Variants in KIF3B observed in about 807,000 individuals in gnomAD.
The protein encoded by KIF3B is kinesin family member 3B.
A neutral mutation model predicts 74.3 loss-of-function variants in KIF3B; 38 were observed. The observed-to-expected ratio is 0.51, with a 90% confidence interval of 0.39 to 0.67. KIF3B has a LOEUF of 0.67. Ranked by LOEUF, KIF3B falls within the 30% of genes least tolerant of loss-of-function variation. The pLI is 0.00. For synonymous variants in KIF3B, 326 were observed against 342.5 expected (o/e 0.95, Z 0.53); for missense variants, 649 against 932.0 (o/e 0.70, Z 3.95).
intron 1 of KIF3B, among the ~76,000 whole-genome samples, chr20:32,291,896 T>A (rs112298354): frequency 0.031 from 4,662 of 151,642 alleles, 262 homozygotes; most frequent in African/African-American, 0.11. Context: ...GGATTACAGG[T>A]GTGAGCCACC....
At chr20:32,312,140 G>C (rs1333260261) in intron 2 of KIF3B, among the ~76,000 whole-genome samples, 1 of 146,244 alleles carries the variant, frequency 6.8e-6, no homozygotes, top group Non-Finnish European at 1.5e-5. Context: ...TTTGAGACAG[G>C]ATCTTGCTCT....
chr20:32,322,473 T>G (rs2047864892), intron 5 of KIF3B, among the ~76,000 whole-genome samples: 1 of 148,520 alleles, frequency 6.7e-6, no homozygotes, highest in Non-Finnish European at 1.5e-5. Flanking sequence ...CCAGGCGTGG[T>G]GGCGGGTGTC....
chr20:32,306,956 G>A (rs2047774780), intron 1 of KIF3B, among the ~76,000 whole-genome samples: 1 of 152,026 alleles, frequency 6.6e-6, no homozygotes, highest in East Asian at 1.9e-4. Flanking sequence ...AGCTGCTACT[G>A]TTACTACCTT....
chr20:32,306,805 A>G (rs1340841690), intron 1 of KIF3B, among the ~76,000 whole-genome samples: 1 of 151,840 alleles, frequency 6.6e-6, no homozygotes, highest in Non-Finnish European at 1.5e-5. Context: ...ATGTTGGCCC[A>G]GATGGTCTTG....
At chr20:32,329,966 A>C (rs1243587127) in intron 7 of KIF3B, among the ~76,000 whole-genome samples, 175 bp from the exon 8 acceptor site, 1 of 152,190 alleles carries the variant, frequency 6.6e-6, no homozygotes, top group Non-Finnish European at 1.5e-5. Flanking sequence ...AAAGCAAAAA[A>C]TTAGGTGGAG....
chr20:32,294,507 A>T (rs899178206), intron 1 of KIF3B, among the ~76,000 whole-genome samples: 1 of 152,328 alleles, frequency 6.6e-6, no homozygotes, highest in Admixed American at 6.5e-5. Flanking sequence ...AAGCAAAAAA[A>T]TAGCCTGCAG....
At chr20:32,312,093 G>A (rs539475553) in intron 2 of KIF3B, among the ~76,000 whole-genome samples, 12 of 150,030 alleles carry the variant, frequency 8.0e-5, no homozygotes, top group East Asian at 2.0e-4. Context: ...GTGAGCCACC[G>A]TGTCCGGCTT....
rs1362303103 is a variant in KIF3B at position 32,326,816 on chromosome 20, AATT to A, written c.1797_1799del (p.Ile599del). 1 of 1,591,972 alleles carries A rather than the reference AATT, an allele frequency of 6.3e-7. No homozygotes were observed. The highest frequency in any genetic ancestry group is 8.6e-7 in the Non-Finnish European group (1 of 1,162,352). ...TTATCCCTCTGGAAGAAAAAAGTAA[AATT>A]ATGAATAGAGCCTTCTTTGATGAAG... is the stretch of plus-strand genomic sequence containing the variant. On this transcript the variant is annotated inframe_deletion, in exon 6 of 9. Transcript: ENST00000375712.
chr20:32,285,279 G>A (rs1000362712), intron 1 of KIF3B, among the ~76,000 whole-genome samples: 3 of 152,184 alleles, frequency 2.0e-5, no homozygotes, highest in Non-Finnish European at 4.4e-5. Flanking sequence ...AACAGCTGAA[G>A]CAGGTAGGAA....
In KIF3B at chr20:32,330,254, T is replaced by G; in HGVS notation, c.2082T>G (p.Asp694Glu). ...CTGCATTGGATGCGGCTCTGCAGGA[T>G]GAAGATGAGATACAGGTGGATGCAT... ...VQAALDAALQ[D>E]EDEIQVDASS... The change falls in exon 8 of 9, where the codon GAT becomes GAG. Residue 694 changes from aspartate to glutamate, a missense_variant. Physicochemically the swap from Asp to Glu is conservative, Grantham distance 45. Transcript: ENST00000375712. 1 of 1,614,008 alleles carries G rather than the reference T, an allele frequency of 6.2e-7. No individual in the cohort carries two copies. Among genetic ancestry groups the G allele is most frequent in the Non-Finnish European group, 8.5e-7 (1 of 1,179,978 alleles).
At chr20:32,303,110 C>T (rs1324228145) in intron 1 of KIF3B, among the ~76,000 whole-genome samples, 1 of 152,136 alleles carries the variant, frequency 6.6e-6, no homozygotes, top group African/African-American at 2.4e-5. Context: ...ATTGGACACC[C>T]TTGATCTAGA....
At chr20:32,323,490 C>G (rs2047887056) in intron 5 of KIF3B, among the ~76,000 whole-genome samples, 1 of 151,924 alleles carries the variant, frequency 6.6e-6, no homozygotes, top group African/African-American at 2.4e-5. Flanking sequence ...AACTCTGCCT[C>G]CCAGGTTCAA....
At chr20:32,330,822 T>C (rs2047926202) in intron 8 of KIF3B, among the ~76,000 whole-genome samples, 1 of 152,248 alleles carries the variant, frequency 6.6e-6, no homozygotes, top group Admixed American at 6.5e-5. Flanking sequence ...ATGCTAAGTT[T>C]ACCTCACCCA....
In KIF3B at chr20:32,316,854, C is replaced by T. The variant is rs2047830237; in HGVS notation, c.1728C>T (p.Leu576=). The change falls in exon 5 of 9, where the codon CTC becomes CTT. Residue 576 remains leucine, a synonymous_variant. Coordinates refer to ENST00000375712, the MANE Select transcript of KIF3B (RefSeq NM_004798.4). ...AGCTAGAGCAGACTCAGAATGAGCT[C>T]ACCAGGGAGCTGAAACTCAAGTAAG... ...RQELEQTQNE[L]TRELKLKHLI... 2 of 1,613,474 alleles carry T rather than the reference C, an allele frequency of 1.2e-6. No homozygotes were observed. Among genetic ancestry groups the T allele is most frequent in the African/African-American group, 1.3e-5 (1 of 74,906 alleles).
chr20:32,318,183 T>C (rs974694384), intron 5 of KIF3B, among the ~76,000 whole-genome samples: 3 of 151,858 alleles, frequency 2.0e-5, no homozygotes, highest in Non-Finnish European at 4.4e-5. Flanking sequence ...GTACCTGTAA[T>C]CCCAGTTACT....
intron 5 of KIF3B, among the ~76,000 whole-genome samples, chr20:32,323,393 TTTTTA>T (rs2047886210): frequency 6.6e-6 from 1 of 151,218 alleles, no homozygotes; most frequent in South Asian, 2.1e-4. Context: ...TTCTTTTTAT[TTTTTA>T]TTTTATTTAT....
At chr20:32,305,220 G>A (rs2047764158) in intron 1 of KIF3B, among the ~76,000 whole-genome samples, 1 of 151,962 alleles carries the variant, frequency 6.6e-6, no homozygotes, top group Non-Finnish European at 1.5e-5. Context: ...CACTTAGTCA[G>A]GTGTGGTGGT....
intron 1 of KIF3B, among the ~76,000 whole-genome samples, chr20:32,282,632 A>C (rs927805559): frequency 6.6e-6 from 1 of 152,050 alleles, no homozygotes; most frequent in East Asian, 1.9e-4. Context: ...GGCAGTACCC[A>C]TCTGTCTTTC....
chr20:32,308,382 C>T (rs2047782828), intron 1 of KIF3B, among the ~76,000 whole-genome samples: 1 of 152,144 alleles, frequency 6.6e-6, no homozygotes, highest in Non-Finnish European at 1.5e-5. Flanking sequence ...CATCACCACC[C>T]CTGGCTAATT....
Sources: gnomAD v4.1 joint callset for allele counts (sites outside exome capture counted in the v4.1 genomes callset) on GRCh38, gnomAD v4.1.1 for gene constraint, MANE v1.5 for transcripts, NCBI Gene and HGNC (gene_info 2026-07-23, HGNC 2026-07-21) for gene names.